PYY: variants seen among roughly 807,000 people sequenced by gnomAD.
The protein encoded by PYY is peptide tyrosine tyrosine.
In PYY, 12 loss-of-function variants were observed where a neutral mutation model predicts 10.3. The ratio of observed to expected loss-of-function variants is 1.17; its 90% CI spans 0.75 to 1.89. PYY has a LOEUF of 1.89. PYY is among the 40% of genes most tolerant of loss of function. The pLI, the probability that PYY is intolerant of heterozygous loss-of-function variation, is 0.00. For synonymous variants in PYY, 66 were observed against 62.0 expected (o/e 1.06, Z -0.30); for missense variants, 141 against 134.0 (o/e 1.05, Z -0.26).
intron 1 of PYY, among the ~76,000 whole-genome samples, chr17:43,981,999 A>C (rs181643176): frequency 4.5e-4 from 69 of 152,278 alleles, no homozygotes; most frequent in African/African-American, 1.6e-3. Context: ...AGTCCAATGT[A>C]TCACTTTCCA....
intron 1 of PYY, among the ~76,000 whole-genome samples, chr17:43,996,716 C>G (rs1427373361): frequency 6.6e-6 from 1 of 152,106 alleles, no homozygotes; most frequent in Non-Finnish European, 1.5e-5. Flanking sequence ...GAGACAGGGT[C>G]TTGCTCTGTT....
chr17:43,956,418 A>ACG (rs2048672446), upstream of PYY, among the ~76,000 whole-genome samples: 1 of 150,278 alleles, frequency 6.7e-6, no homozygotes, highest in Admixed American at 6.6e-5. Context: ...GGGCTCAGCC[A>ACG]CCCCCCGATC....
upstream of PYY, among the ~76,000 whole-genome samples, chr17:43,957,742 G>C (rs1035459537): frequency 2.0e-5 from 3 of 152,178 alleles, no homozygotes; most frequent in African/African-American, 7.2e-5. Flanking sequence ...GCCGGGTGTA[G>C]TGGCTCATGT....
chr17:43,965,989 C>G (rs770049197), intron 2 of PYY, among the ~76,000 whole-genome samples: 1 of 151,830 alleles, frequency 6.6e-6, no homozygotes, highest in Non-Finnish European at 1.5e-5. Context: ...TCATCTACCC[C>G]CAAGATTTTA....
intron 1 of PYY, among the ~76,000 whole-genome samples, chr17:43,997,746 T>A (rs1041872365): frequency 7.2e-5 from 11 of 152,160 alleles, no homozygotes; most frequent in African/African-American, 2.4e-4. Context: ...CCCTTACGAA[T>A]GCGGCTTCGA....
At chr17:43,978,865 C>T (rs1011996487) in intron 1 of PYY, among the ~76,000 whole-genome samples, 2 of 152,234 alleles carry the variant, frequency 1.3e-5, no homozygotes, top group African/African-American at 2.4e-5. Context: ...CCATACTCTG[C>T]ATCAGAAGGG....
chr17:43,990,857 G>T (rs866030964), intron 1 of PYY, among the ~76,000 whole-genome samples: 5 of 143,500 alleles, frequency 3.5e-5, no homozygotes, highest in South Asian at 4.5e-4. Flanking sequence ...GCAATGACTC[G>T]ATCTCGGCTC....
Position 43,953,289 on chromosome 17 carries a change from C to A in PYY, c.188+7G>T. 6.2e-7 allele frequency: 1 copy of A among 1,610,986 alleles called. No individual in the cohort carries two copies. Among genetic ancestry groups the A allele is most frequent in the South Asian group, 1.1e-5 (1 of 90,842 alleles). On this transcript the variant is annotated splice_region_variant and intron_variant, in intron 2 of 3. Transcript: ENST00000692052. ...CCCCAGGGGTCCCGCTCCGCGCCTGCGCTCACCGCTGCCGGGTGACCAGGT... is the reference window on the plus strand; with the variant it reads ...CCCCAGGGGTCCCGCTCCGCGCCTGAGCTCACCGCTGCCGGGTGACCAGGT...
upstream of PYY, among the ~76,000 whole-genome samples, chr17:43,958,659 T>C (rs2048691920): frequency 1.3e-5 from 2 of 152,062 alleles, no homozygotes; most frequent in African/African-American, 2.4e-5. Context: ...GGATTACGAG[T>C]GTGAGCCACC....
chr17:43,997,890 T>G (rs1044554516), intron 1 of PYY, among the ~76,000 whole-genome samples: 2 of 152,066 alleles, frequency 1.3e-5, no homozygotes, highest in Non-Finnish European at 1.5e-5. Context: ...TACTGACTAA[T>G]TGGACATAGG....
chr17:43,976,981 C>A lies in PYY; in HGVS notation c.-462-10449G>T, dbSNP rs540508933. ...TTCTTCTTGCTCATGTCTCTGCCAC[C>A]GGCCTCTACCCACATTTCTCCACAA... On this transcript the variant is annotated intron_variant, in intron 1 of 6. Transcript: ENST00000360085. Among the ~76,000 whole-genome samples, 22 of 152,198 alleles carry A rather than the reference C, an allele frequency of 1.4e-4. No homozygotes were observed. In the South Asian group the frequency reaches 4.6e-3, roughly 32 times the overall value.
At chr17:43,986,522 C>G (rs145506493) in intron 1 of PYY, among the ~76,000 whole-genome samples, 11 of 152,236 alleles carry the variant, frequency 7.2e-5, no homozygotes, top group African/African-American at 2.6e-4. Flanking sequence ...TATTGTGGCA[C>G]CAGACAAGCC....
chr17:43,993,851 AATTATT>A (rs147841640), intron 1 of PYY, among the ~76,000 whole-genome samples: 1 of 150,828 alleles, frequency 6.6e-6, no homozygotes, highest in Admixed American at 6.6e-5. Flanking sequence ...ATTATTTATT[AATTATT>A]ATTATTATTA....
intron 1 of PYY, among the ~76,000 whole-genome samples, chr17:43,999,420 T>C (rs1272635811): frequency 1.5e-4 from 23 of 151,196 alleles, no homozygotes. Flanking sequence ...CAGAGTGGGG[T>C]TGAGGGGTGG....
chr17:43,992,930 G>T (rs986766888), intron 1 of PYY, among the ~76,000 whole-genome samples: 17 of 152,098 alleles, frequency 1.1e-4, no homozygotes, highest in Non-Finnish European at 2.1e-4. Flanking sequence ...CCGGCCTCCA[G>T]ACAGTGAGAG....
chr17:43,955,992 T>C (rs970334631), upstream of PYY, among the ~76,000 whole-genome samples: 2 of 151,964 alleles, frequency 1.3e-5, no homozygotes, highest in Non-Finnish European at 2.9e-5. Flanking sequence ...TGGTAGGGGA[T>C]TTCTAGTGCA....
intron 1 of PYY, among the ~76,000 whole-genome samples, chr17:43,980,760 C>A (rs1184031397): frequency 2.0e-5 from 3 of 152,188 alleles, no homozygotes; most frequent in African/African-American, 7.2e-5. Context: ...GTGTGAGCCA[C>A]CGCACCTGGC....
chr17:43,965,810 AAAAAAAAGAG>A (rs1440714514), intron 2 of PYY, among the ~76,000 whole-genome samples: 8 of 150,408 alleles, frequency 5.3e-5, no homozygotes, highest in Non-Finnish European at 3.0e-5. Flanking sequence ...AAAAAAAAAA[AAAAAAAAGAG>A]AGAGAAACAA....
intron 1 of PYY, among the ~76,000 whole-genome samples, chr17:43,994,969 G>T (rs951470022): frequency 1.3e-5 from 2 of 152,134 alleles, no homozygotes; most frequent in African/African-American, 4.8e-5. Context: ...ACCTCGGGAG[G>T]ATCCCTTCAC....
Sources: gnomAD v4.1 joint callset for allele counts (sites outside exome capture counted in the v4.1 genomes callset) on GRCh38, gnomAD v4.1.1 for gene constraint, MANE v1.5 for transcripts, NCBI Gene and HGNC (gene_info 2026-07-23, HGNC 2026-07-21) for gene names.